The following KIAA1328 variants were observed in gnomAD, a reference collection of about 807,000 sequenced individuals.
KIAA1328 encodes the protein protein hinderin.
A neutral mutation model predicts 68.1 loss-of-function variants in KIAA1328; 52 were observed. That is an observed-to-expected ratio of 0.76 (90% CI 0.61 to 0.96). The LOEUF is 0.96. Ranked by LOEUF, KIAA1328 falls within the 40% of genes least tolerant of loss-of-function variation. The pLI is 0.00. For missense variants in KIAA1328, 641 were observed against 677.6 expected (o/e 0.95, Z 0.60); for synonymous variants, 232 against 239.4 (o/e 0.97, Z 0.28).
intron 5 of KIAA1328, among the ~76,000 whole-genome samples, chr18:36,939,009 G>A (rs1001044039): frequency 3.9e-5 from 6 of 151,982 alleles, no homozygotes; most frequent in African/African-American, 7.2e-5. Context: ...TAATAGATTC[G>A]AAGTCATACA....
intron 9 of KIAA1328, among the ~76,000 whole-genome samples, chr18:37,184,532 A>G (rs914671686): frequency 6.6e-6 from 1 of 152,178 alleles, no homozygotes; most frequent in African/African-American, 2.4e-5. Context: ...GGTTTTCTCA[A>G]GTTAAAATCA....
chr18:37,191,709 C>G (rs1330476977), intron 9 of KIAA1328, among the ~76,000 whole-genome samples: 1 of 151,900 alleles, frequency 6.6e-6, no homozygotes, highest in Admixed American at 6.5e-5. Context: ...ATCTGATGTA[C>G]TAAGTGGAAT....
At chr18:37,219,413 G>C (rs1472470973) in intron 9 of KIAA1328, among the ~76,000 whole-genome samples, 1 of 152,214 alleles carries the variant, frequency 6.6e-6, no homozygotes, top group Non-Finnish European at 1.5e-5. Flanking sequence ...CTTCTGTTCA[G>C]CTCTGCCCTT....
intron 6 of KIAA1328, among the ~76,000 whole-genome samples, chr18:36,987,182 G>T (rs2052959677): frequency 3.5e-5 from 2 of 56,984 alleles, no homozygotes; most frequent in Non-Finnish European, 7.7e-5. Flanking sequence ...CATGTCCTTT[G>T]TAGGGACATG....
intron 9 of KIAA1328, among the ~76,000 whole-genome samples, chr18:37,192,239 T>C (rs2059920183): frequency 6.6e-6 from 1 of 152,066 alleles, no homozygotes; most frequent in South Asian, 2.1e-4. Flanking sequence ...TGGGTTGTTC[T>C]CTGTGATAGG....
At chr18:37,028,140 T>C (rs2054668985) in intron 6 of KIAA1328, among the ~76,000 whole-genome samples, 1 of 152,220 alleles carries the variant, frequency 6.6e-6, no homozygotes, top group African/African-American at 2.4e-5. Context: ...CTCCTACTTG[T>C]ACGTGAGAAC....
intron 6 of KIAA1328, among the ~76,000 whole-genome samples, chr18:36,995,270 C>G (rs2053344407): frequency 6.6e-6 from 1 of 152,148 alleles, no homozygotes; most frequent in Admixed American, 6.5e-5. Context: ...ATCCATGTCC[C>G]TGCAAGGGAC....
At chr18:37,100,730 G>A (rs1039486938) in intron 7 of KIAA1328, among the ~76,000 whole-genome samples, 1 of 152,172 alleles carries the variant, frequency 6.6e-6, no homozygotes, top group Non-Finnish European at 1.5e-5. Context: ...TCCTCAAGTG[G>A]GTCCCTGACC....
chr18:36,887,458 G>C (rs764412), intron 5 of KIAA1328, among the ~76,000 whole-genome samples: 1 of 151,890 alleles, frequency 6.6e-6, no homozygotes, highest in Non-Finnish European at 1.5e-5. Context: ...AATTCTCTCA[G>C]GTTTTTTTAA....
chr18:37,051,802 G>A (rs2055704157), intron 6 of KIAA1328, among the ~76,000 whole-genome samples: 1 of 152,054 alleles, frequency 6.6e-6, no homozygotes, highest in African/African-American at 2.4e-5. Flanking sequence ...CAGCACTTTG[G>A]GAGGCCAAGG....
intron 5 of KIAA1328, among the ~76,000 whole-genome samples, chr18:36,948,325 G>A (rs1389217023): frequency 2.8e-5 from 4 of 145,276 alleles, no homozygotes; most frequent in African/African-American, 5.1e-5. Context: ...GCTGTGGTGC[G>A]ATCTCGGCTC....
chr18:36,951,862 G>A (rs2051174564), intron 5 of KIAA1328, among the ~76,000 whole-genome samples: 1 of 152,088 alleles, frequency 6.6e-6, no homozygotes, highest in Non-Finnish European at 1.5e-5. Flanking sequence ...CTCTTGCTTA[G>A]ACTTCTATAG....
Position 37,026,460 on chromosome 18 carries a change from T to C in KIAA1328, c.577-40430T>C, listed in dbSNP as rs565018107. Among the ~76,000 whole-genome samples the C allele has an allele frequency of 3.3e-5, 5 of 152,272 alleles. No individual in the cohort carries two copies. In the East Asian group the frequency reaches 9.6e-4, roughly 29 times the overall value. On this transcript the variant is annotated intron_variant, in intron 6 of 9. Transcript: ENST00000280020. ...GACCAATATCCCTGATGAACATCGA[T>C]GCAAAAATCCTCAATAAAATACTGG...
intron 4 of KIAA1328, among the ~76,000 whole-genome samples, chr18:36,871,608 G>A (rs1423539957): frequency 6.6e-6 from 1 of 152,086 alleles, no homozygotes; most frequent in Non-Finnish European, 1.5e-5. Context: ...AAGCAAGTAG[G>A]TAGGTATGTG....
chr18:36,909,338 TG>T (rs1339222418), intron 5 of KIAA1328, among the ~76,000 whole-genome samples: 1 of 148,348 alleles, frequency 6.7e-6, no homozygotes, highest in Non-Finnish European at 1.5e-5. Flanking sequence ...TGTGTCCACG[TG>T]TTCTCATTGT....
intron 8 of KIAA1328, 90 bp downstream of exon 8, chr18:37,160,471 T>G (rs574221285): frequency 8.4e-7 from 1 of 1,191,106 alleles, no homozygotes; most frequent in Admixed American, 2.4e-5. Flanking sequence ...CCTACAATGC[T>G]GAGCAAAAGT....
intron 7 of KIAA1328, among the ~76,000 whole-genome samples, chr18:37,156,406 A>G (rs2059152916): frequency 1.4e-5 from 2 of 143,590 alleles, no homozygotes; most frequent in South Asian, 4.5e-4. Context: ...AGCCTAGGTG[A>G]CAAGAGAGAA....
Position 37,224,740 on chromosome 18 carries a change from T to C in KIAA1328, c.*2513T>C, listed in dbSNP as rs2060617683. The C allele has an allele frequency of 1.0e-6, 1 of 985,326 alleles. No individual in the cohort carries two copies. The highest frequency in any genetic ancestry group is 1.2e-6 in the Non-Finnish European group (1 of 829,952). The allele number at this position is 985,326 out of a possible 1,614,324, so 61.0% of individuals were successfully genotyped here. Reference sequence around the variant, plus strand: ...CTCCCACCCTTGACTGGTTGGGATTTGCTCGTCCAGCCTCTAGACACTTCC... The same window carrying C: ...CTCCCACCCTTGACTGGTTGGGATTCGCTCGTCCAGCCTCTAGACACTTCC... On this transcript the variant is annotated 3_prime_UTR_variant, in exon 10 of 10. Coordinates refer to ENST00000280020, the MANE Select transcript of KIAA1328 (RefSeq NM_020776.3).
At chr18:36,975,483 A>G (rs1051494749) in intron 6 of KIAA1328, among the ~76,000 whole-genome samples, 1 of 152,188 alleles carries the variant, frequency 6.6e-6, no homozygotes, top group South Asian at 2.1e-4. Context: ...CGCCCGGCCT[A>G]CAAGCTACAA....
Sources: allele counts gnomAD v4.1 joint callset (sites outside exome capture counted in the v4.1 genomes callset), GRCh38; gene constraint gnomAD v4.1.1; transcripts MANE v1.5; gene names NCBI Gene and HGNC (gene_info 2026-07-23, HGNC 2026-07-21).